The following GRAMD4 variants were observed in gnomAD, a reference collection of about 807,000 sequenced individuals.
GRAMD4 encodes the protein GRAM domain-containing protein 4.
Under a neutral mutation model 83.9 loss-of-function variants are expected in GRAMD4, and 25 were observed. The observed-to-expected ratio is 0.30, with a 90% confidence interval of 0.22 to 0.42. The LOEUF is 0.42. GRAMD4 is among the 10% of genes least tolerant of loss of function. The probability of loss-of-function intolerance (pLI) is 1.00; values close to 1 mark genes in which losing one functional copy is unlikely to be tolerated. For synonymous variants in GRAMD4, 336 were observed against 320.9 expected (o/e 1.05, Z -0.50); for missense variants, 593 against 788.7 (o/e 0.75, Z 2.97).
chr22:46,663,902 A>C (rs759452209), intron 7 of GRAMD4, 39 bp downstream of exon 7: 1 of 1,608,990 alleles, frequency 6.2e-7, no homozygotes, highest in Non-Finnish European at 8.5e-7. Context: ...CACGATGCTC[A>C]GTGTGGGTGG....
At chr22:46,637,802 C>T in intron 2 of GRAMD4, 38 bp from the exon 3 acceptor site, 9 of 1,611,028 alleles carry the variant, frequency 5.6e-6, no homozygotes, top group Non-Finnish European at 7.6e-6. Context: ...CAGGGTGCCA[C>T]AGGTGGCCCC....
At chr22:46,662,904 A>T in intron 5 of GRAMD4, 136 bp from the exon 6 acceptor site, 1 of 725,280 alleles carries the variant, frequency 1.4e-6, no homozygotes, top group South Asian at 1.9e-5. Flanking sequence ...TCCCTGACCT[A>T]CCCCCGAGCA....
At position 46,637,940 on chromosome 22, in the gene GRAMD4, T is replaced by C. The variant is rs760726477; in HGVS notation, c.263T>C (p.Leu88Ser). 1 of 1,613,924 alleles carries C rather than the reference T, an allele frequency of 6.2e-7. No homozygotes were observed. Among genetic ancestry groups the C allele is most frequent in the Non-Finnish European group, 8.5e-7 (1 of 1,179,854 alleles). The change falls in exon 3 of 19, where the codon TTA becomes TCA. Residue 88 changes from leucine to serine, a missense_variant. This residue lies in a region of GRAMD4 where 312 missense variants were observed against 350.7 expected (regional missense o/e 0.89). Transcript: ENST00000406902. ...NEIKGHLEIALLEKHFLQEEL... is the reference protein window; with the variant it reads ...NEIKGHLEIASLEKHFLQEEL... Reference sequence around the variant, plus strand: ...ATCAAAGGTCACCTGGAAATTGCCTTATTGGAAAAACATTTCTTACGTGAG... The same window carrying C: ...ATCAAAGGTCACCTGGAAATTGCCTCATTGGAAAAACATTTCTTACGTGAG...
intron 4 of GRAMD4, 52 bp downstream of exon 4, chr22:46,658,359 C>G (rs757784786): frequency 2.7e-6 from 4 of 1,485,962 alleles, no homozygotes; most frequent in East Asian, 2.5e-5. Context: ...CCCAACCCCC[C>G]ACCCCACCCG....
intron 2 of GRAMD4, among the ~76,000 whole-genome samples, chr22:46,627,905 CTGCCGGGATCGGCCA>C (rs1391684120): frequency 2.1e-4 from 32 of 152,386 alleles, no homozygotes; most frequent in African/African-American, 7.5e-4. Flanking sequence ...AGTGCCCGGC[CTGCCGGGATCGGCCA>C]TCCCCAGGCA....
chr22:46,619,271 G>A (rs1027853415), upstream of GRAMD4, among the ~76,000 whole-genome samples: 4 of 152,192 alleles, frequency 2.6e-5, no homozygotes, highest in Non-Finnish European at 5.9e-5. Context: ...GGGTCCTTGG[G>A]CCTCTTTGCA....
intron 3 of GRAMD4, among the ~76,000 whole-genome samples, chr22:46,647,357 A>G (rs2082086323): frequency 6.6e-6 from 1 of 152,130 alleles, no homozygotes; most frequent in Admixed American, 6.5e-5. Context: ...CTTTAATTAC[A>G]CATTGTGGAT....
intron 10 of GRAMD4, among the ~76,000 whole-genome samples, 196 bp downstream of exon 10, chr22:46,667,069 G>T (rs1014545555): frequency 6.6e-6 from 1 of 152,216 alleles, no homozygotes; most frequent in Non-Finnish European, 1.5e-5. Context: ...CTGCAAGCCC[G>T]GCCCCACATT....
At chr22:46,588,201 T>A (rs1883193) in intron 1 of GRAMD4, among the ~76,000 whole-genome samples, 3 of 151,402 alleles carry the variant, frequency 2.0e-5, no homozygotes, top group African/African-American at 7.3e-5. Context: ...CCCATCTGCT[T>A]TGAGAACCTA....
chr22:46,583,912 A>T (rs949975121), intron 1 of GRAMD4, among the ~76,000 whole-genome samples: 1 of 152,094 alleles, frequency 6.6e-6, no homozygotes, highest in Non-Finnish European at 1.5e-5. Flanking sequence ...TGCCTCCTTG[A>T]GGGCAGAGTG....
chr22:46,582,945 A>G (rs1485461815), intron 1 of GRAMD4, among the ~76,000 whole-genome samples: 4 of 152,090 alleles, frequency 2.6e-5, no homozygotes, highest in Admixed American at 6.5e-5. Flanking sequence ...GTCTTTTGAG[A>G]TGGAGTTTCG....
chr22:46,623,687 T>C (rs754539254), intron 1 of GRAMD4, among the ~76,000 whole-genome samples: 5 of 152,048 alleles, frequency 3.3e-5, no homozygotes, highest in South Asian at 2.1e-4. Flanking sequence ...TGAGCCACCA[T>C]GCCCGGCCTA....
At chr22:46,577,202 G>C (rs1225926808) in exon 1 of GRAMD4, 16 of 828,956 alleles carry the variant, frequency 1.9e-5, no homozygotes, top group Non-Finnish European at 2.3e-5. Context: ...CTGGGCTCCC[G>C]GGCGGGCGGC....
In GRAMD4 at chr22:46,638,111, C is replaced by T. The variant is rs2081918745; in HGVS notation, c.283+151C>T. On this transcript the variant is annotated intron_variant, in intron 3 of 18. Coordinates refer to ENST00000406902, the MANE Select transcript of GRAMD4 (RefSeq NM_015124.5). ...GAGCCCTGGGCAGCTGTGGCTCCGA[C>T]GTGGCCCTTTGGGCTGGGTGGTCCC... 1.7e-5 allele frequency: 14 copies of T among 819,678 alleles called. 1 individual carries two copies. The highest frequency in any genetic ancestry group is 9.7e-5 in the South Asian group (6 of 61,624). The allele number at this position is 819,678 out of a possible 1,614,324, so 50.8% of individuals were successfully genotyped here.
rs6008925 is a variant in GRAMD4 at position 46,593,279 on chromosome 22, C to T, written c.-50+15989C>T. The stretch of plus-strand genomic sequence containing the variant: ...TCTCCCCTGCCTGGTTCCTTTTCCC[C>T]GGAACCTCACATCAAGCAGAAGCTT... On this transcript the variant is annotated intron_variant, in intron 1 of 1. Transcript: ENST00000431155. Among the ~76,000 whole-genome samples the T allele has an allele frequency of 1.0e-2, 1,515 of 152,102 alleles. 25 individuals carry two copies. Among genetic ancestry groups the T allele is most frequent in the African/African-American group, 0.034 (1,404 of 41,442 alleles).
chr22:46,624,749 G>T (rs1398745649), intron 1 of GRAMD4, among the ~76,000 whole-genome samples: 15 of 152,182 alleles, frequency 9.9e-5, no homozygotes, highest in Admixed American at 9.8e-4. Flanking sequence ...CAGCCTATGA[G>T]CAGCAGTTGC....
At chr22:46,647,578 G>C (rs148340420) in intron 3 of GRAMD4, among the ~76,000 whole-genome samples, 1 of 152,372 alleles carries the variant, frequency 6.6e-6, no homozygotes, top group East Asian at 1.9e-4. Context: ...CTGCCTGTGT[G>C]TTTTGCAACG....
intron 2 of GRAMD4, among the ~76,000 whole-genome samples, 184 bp downstream of exon 2, chr22:46,627,145 C>T (rs769528769): frequency 3.9e-4 from 59 of 152,206 alleles, no homozygotes; most frequent in African/African-American, 8.7e-4. Flanking sequence ...GGTGCTGCCA[C>T]GCCGAGCCTT....
chr22:46,605,506 C>T (rs963671905), intron 1 of GRAMD4, among the ~76,000 whole-genome samples: 2 of 152,222 alleles, frequency 1.3e-5, no homozygotes, highest in Admixed American at 6.5e-5. Context: ...TTCTATTTTT[C>T]GTATTTTGCG....
Sources: gnomAD v4.1 joint callset for allele counts (sites outside exome capture counted in the v4.1 genomes callset) on GRCh38, gnomAD v4.1.1 for gene constraint, gnomAD v4.1.1 regional missense constraint, MANE v1.5 for transcripts, NCBI Gene and HGNC (gene_info 2026-07-23, HGNC 2026-07-21) for gene names.